Variants in TSPAN11 observed in about 807,000 individuals in gnomAD.
TSPAN11 encodes tetraspanin 11.
In TSPAN11, 29 loss-of-function variants were observed where a neutral mutation model predicts 32.9. The ratio of observed to expected loss-of-function variants is 0.88; its 90% CI spans 0.66 to 1.20. TSPAN11 has a LOEUF of 1.20. Ranked by LOEUF, TSPAN11 falls within the 50% of genes most tolerant of loss-of-function variation. The pLI is 0.00. For synonymous variants in TSPAN11, 140 were observed against 141.3 expected, an observed-to-expected ratio of 0.99 and a Z score of 0.07; for missense variants, 283 against 329.1, an observed-to-expected ratio of 0.86 and a Z score of 1.08.
intron 2 of TSPAN11, among the ~76,000 whole-genome samples, chr12:30,958,557 G>A (rs1164655111): frequency 6.6e-6 from 1 of 152,182 alleles, no homozygotes; most frequent in Admixed American, 6.5e-5. Context: ...CGGGGCTGCA[G>A]TCTAAGGTTC....
chr12:30,957,202 C>A (rs896777927), intron 2 of TSPAN11, among the ~76,000 whole-genome samples: 1 of 147,974 alleles, frequency 6.8e-6, no homozygotes, highest in African/African-American at 2.5e-5. Context: ...TGCTGCACCC[C>A]TTTTTGAGTT....
At chr12:30,973,616 C>T (rs1006034593) in intron 3 of TSPAN11, among the ~76,000 whole-genome samples, 2 of 152,168 alleles carry the variant, frequency 1.3e-5, no homozygotes, top group African/African-American at 4.8e-5. Flanking sequence ...AAGCCATGGG[C>T]CAGTGATTCT....
At chr12:30,954,918 C>T (rs886072702) in intron 2 of TSPAN11, 21 of 152,112 alleles carry the variant, frequency 1.4e-4, no homozygotes, top group Non-Finnish European at 1.9e-4. Context: ...CTGAAAATAC[C>T]ACCAAATCAA....
intron 3 of TSPAN11, 27 bp from the exon 4 acceptor site, chr12:30,978,534 G>A (rs1939020263): frequency 6.2e-7 from 1 of 1,612,886 alleles, no homozygotes; most frequent in Non-Finnish European, 8.5e-7. Flanking sequence ...GATCCCAGTG[G>A]TGACCGTCCT....
In TSPAN11 at chr12:30,945,869, C is replaced by A. The variant is rs543292027; in HGVS notation, c.-11-8112C>A. The stretch of plus-strand genomic sequence containing the variant: ...TAATGGCCCCCAGGGCCTGCTGGCT[C>A]CCCCTGAATCCCAGCTTTGTTCTGC... On this transcript the variant is annotated intron_variant, in intron 1 of 7. Coordinates refer to ENST00000546076, the MANE Select transcript of TSPAN11 (RefSeq NM_001370302.1). Among the ~76,000 whole-genome samples the A allele has an allele frequency of 1.6e-4, 24 of 152,234 alleles. No individual in the cohort carries two copies. The South Asian group carries it at 4.8e-3, about 30-fold the overall frequency.
intron 3 of TSPAN11, among the ~76,000 whole-genome samples, chr12:30,970,225 T>C (rs1359754503): frequency 6.6e-6 from 1 of 152,202 alleles, no homozygotes; most frequent in Non-Finnish European, 1.5e-5. Context: ...TGTCTCCCTG[T>C]TGGGGGTCTG....
chr12:30,932,856 C>G (rs1263334105), intron 1 of TSPAN11, among the ~76,000 whole-genome samples: 2 of 152,208 alleles, frequency 1.3e-5, no homozygotes, highest in Non-Finnish European at 2.9e-5. Flanking sequence ...TCAAATCCTC[C>G]TATCTGGGAA....
At position 30,982,636 on chromosome 12, in the gene TSPAN11, A is replaced by G. The variant is rs1939116222; in HGVS notation, c.561A>G (p.Thr187=). Residue 187 remains threonine (T), a synonymous_variant, in exon 6 of 8, where the codon ACA becomes ACG. Coordinates refer to ENST00000546076, the MANE Select transcript of TSPAN11 (RefSeq NM_001370302.1). ...GRQVPDSCCK[T]VVVRCGQRAH... ...AGGTGCCCGACAGCTGCTGCAAGAC[A>G]GTGGTGGTGCGCTGCGGCCAGCGGG... 6.2e-7 allele frequency: 1 copy of G among 1,611,474 alleles called. No individual in the cohort carries two copies. The highest frequency in any genetic ancestry group is 8.5e-7 in the Non-Finnish European group (1 of 1,179,124).
intron 2 of TSPAN11, among the ~76,000 whole-genome samples, chr12:30,961,040 A>G (rs1308162582): frequency 1.3e-5 from 2 of 151,482 alleles, no homozygotes; most frequent in Non-Finnish European, 2.9e-5. Context: ...AAAAAAAAAA[A>G]AAAGAAAAAT....
the TSPAN11 span, among the ~76,000 whole-genome samples, chr12:31,009,603 G>A: frequency 1.2e-4 from 19 of 152,166 alleles, no homozygotes; most frequent in African/African-American, 4.1e-4. Context: ...ACCTTGGTGC[G>A]ATGATACATG....
intron 7 of TSPAN11, among the ~76,000 whole-genome samples, chr12:30,985,757 T>C (rs1304595325): frequency 3.3e-5 from 5 of 152,232 alleles, no homozygotes; most frequent in South Asian, 2.1e-4. Flanking sequence ...GGAGCAGGAC[T>C]GCGGATGCCC....
chr12:30,950,459 C>G (rs1042444293), intron 1 of TSPAN11, among the ~76,000 whole-genome samples: 1 of 152,216 alleles, frequency 6.6e-6, no homozygotes, highest in Admixed American at 6.5e-5. Context: ...TGCTTGGCCA[C>G]CACTGCACGG....
intron 2 of TSPAN11, among the ~76,000 whole-genome samples, chr12:30,960,477 CAAAGA>C (rs1938590223): frequency 6.6e-6 from 1 of 151,956 alleles, no homozygotes; most frequent in African/African-American, 2.4e-5. Context: ...GGTAGCGAGA[CAAAGA>C]AAAACGCCTA....
At chr12:31,010,860 G>A in the TSPAN11 span, among the ~76,000 whole-genome samples, 4 of 152,090 alleles carry the variant, frequency 2.6e-5, no homozygotes, top group Admixed American at 2.6e-4. Context: ...AACCCTTCAT[G>A]AGAAAGATAA....
the TSPAN11 span, among the ~76,000 whole-genome samples, chr12:31,003,822 A>G: frequency 7.2e-5 from 11 of 152,116 alleles, no homozygotes. Flanking sequence ...CATCAGCACC[A>G]TGGCTCCTGT....
rs1287647716 is a variant in TSPAN11 at position 30,993,403 on chromosome 12, A to T, written c.*1488A>T. On this transcript the variant is annotated 3_prime_UTR_variant, in exon 8 of 8. Transcript: ENST00000546076. ...GTGGCCTCAAGGCCACCCAGTGCTG[A>T]CCCCAACAGAGCCCTGAACTGTCCA... 6.6e-6 allele frequency: 1 copy of T among 152,336 alleles called. No individual in the cohort carries two copies. The highest frequency in any genetic ancestry group is 1.5e-5 in the Non-Finnish European group (1 of 68,200). The allele number at this position is 152,336 out of a possible 1,614,324, so 9.4% of individuals were successfully genotyped here.
chr12:30,958,779 G>A (rs1241584941), intron 2 of TSPAN11, among the ~76,000 whole-genome samples: 1 of 152,130 alleles, frequency 6.6e-6, no homozygotes, highest in East Asian at 1.9e-4. Context: ...CCTGGGGCAG[G>A]GGCAGGGGCA....
At chr12:30,962,410 T>TC in intron 2 of TSPAN11, among the ~76,000 whole-genome samples, 1 of 152,328 alleles carries the variant, frequency 6.6e-6, no homozygotes, top group African/African-American at 2.4e-5. Flanking sequence ...ACTCATGGTG[T>TC]AATCTTGGGC....
At chr12:30,942,850 G>A (rs1296350388) in intron 1 of TSPAN11, among the ~76,000 whole-genome samples, 8 of 152,166 alleles carry the variant, frequency 5.3e-5, no homozygotes, top group Non-Finnish European at 1.5e-5. Context: ...CCATCCATGT[G>A]ACTCTGTAGT....
Sources: allele counts gnomAD v4.1 joint callset (sites outside exome capture counted in the v4.1 genomes callset), GRCh38; gene constraint gnomAD v4.1.1; transcripts MANE v1.5; gene names NCBI Gene and HGNC (gene_info 2026-07-23, HGNC 2026-07-21).